Variants in SHROOM4 observed in about 807,000 individuals in gnomAD.
The protein encoded by SHROOM4 is protein Shroom4.
In SHROOM4, 17 loss-of-function variants were observed where a neutral mutation model predicts 80.3. The ratio of observed to expected loss-of-function variants is 0.21; its 90% CI spans 0.14 to 0.32. The LOEUF is 0.32. Among genes scored for constraint, SHROOM4 ranks in the 10% least tolerant of loss-of-function variants. SHROOM4 has a pLI of 1.00. For missense variants in SHROOM4, 993 were observed against 1,140.3 expected, an observed-to-expected ratio of 0.87 and a Z score of 1.86; for synonymous variants, 400 against 437.5, an observed-to-expected ratio of 0.91 and a Z score of 1.07.
intron 1 of SHROOM4, among the ~76,000 whole-genome samples, chrX:50,743,746 T>C (rs1322308563): frequency 8.9e-6 from 1 of 112,147 alleles, no homozygotes; most frequent in African/African-American, 3.2e-5. Context: ...CACGAGTTAC[T>C]GCCCCCAGAC....
intron 1 of SHROOM4, among the ~76,000 whole-genome samples, chrX:50,751,698 A>G (rs781922741): frequency 1.8e-5 from 2 of 112,055 alleles, no homozygotes; most frequent in Non-Finnish European, 3.8e-5. Context: ...TCCTGACTTC[A>G]TATTAGCAGT....
chrX:50,807,009 T>G (rs1214944510), intron 1 of SHROOM4, among the ~76,000 whole-genome samples: 2 of 112,392 alleles, frequency 1.8e-5, no homozygotes, highest in Non-Finnish European at 3.8e-5. Flanking sequence ...AATGATACAC[T>G]ATGGATTAAA....
intron 1 of SHROOM4, among the ~76,000 whole-genome samples, chrX:50,812,570 C>A (rs1168646489): frequency 7.2e-5 from 8 of 110,514 alleles, no homozygotes; most frequent in African/African-American, 2.6e-4. Context: ...ATTGGTACAC[C>A]CATGGCAACA....
intron 1 of SHROOM4, among the ~76,000 whole-genome samples, chrX:50,709,931 C>T (rs1449604488): frequency 8.9e-6 from 1 of 111,776 alleles, no homozygotes; most frequent in Admixed American, 9.5e-5. Flanking sequence ...GTGTTTTAAT[C>T]CCTCCAGGTG....
At chrX:50,611,824 G>A (rs1557249940) in intron 5 of SHROOM4, among the ~76,000 whole-genome samples, 1 of 111,038 alleles carries the variant, frequency 9.0e-6, no homozygotes, top group Non-Finnish European at 1.9e-5. Context: ...GGAGGCTGAG[G>A]CAGGGGAATT....
At chrX:50,650,078 C>G (rs374365702) in intron 2 of SHROOM4, among the ~76,000 whole-genome samples, 1 of 111,901 alleles carries the variant, frequency 8.9e-6, no homozygotes, top group African/African-American at 3.2e-5. Flanking sequence ...TTGAAGACTA[C>G]TTAATGATCC....
chrX:50,807,396 G>A (rs1602530970), intron 1 of SHROOM4, among the ~76,000 whole-genome samples: 1 of 111,900 alleles, frequency 8.9e-6, no homozygotes, highest in African/African-American at 3.2e-5. Flanking sequence ...ATATCTGACA[G>A]TGGATAGGGA....
chrX:50,673,598 G>A (rs1932821228), intron 2 of SHROOM4, among the ~76,000 whole-genome samples: 1 of 111,176 alleles, frequency 9.0e-6, no homozygotes, highest in Non-Finnish European at 1.9e-5. Flanking sequence ...TGAAAAGACA[G>A]AGACTGGCAG....
At position 50,797,598 on chromosome X, in the gene SHROOM4, TACTA is replaced by T. The variant is rs782292281; in HGVS notation, c.117+16300_117+16303del. Among the ~76,000 whole-genome samples the T allele has an allele frequency of 1.6e-4, 18 of 111,794 alleles. No homozygotes were observed. The South Asian group carries it at 5.7e-3, about 35-fold the overall frequency. On this transcript the variant is annotated intron_variant, in intron 1 of 8. Transcript: ENST00000376020. ...TGGGAAACTATTCTCCGCCTTTTCATACTAACTACCTTTTAAACCACATAACTAC... is the reference window on the plus strand; with the variant it reads ...TGGGAAACTATTCTCCGCCTTTTCATACTACCTTTTAAACCACATAACTAC...
At chrX:50,761,495 G>A (rs1238325507) in intron 1 of SHROOM4, among the ~76,000 whole-genome samples, 1 of 111,943 alleles carries the variant, frequency 8.9e-6, no homozygotes, top group Non-Finnish European at 1.9e-5. Flanking sequence ...TTGTGGTTTT[G>A]ATTTGCATTT....
At chrX:50,692,497 A>G (rs1349156414) in intron 2 of SHROOM4, among the ~76,000 whole-genome samples, 1 of 111,924 alleles carries the variant, frequency 8.9e-6, no homozygotes, top group African/African-American at 3.2e-5. Flanking sequence ...TACATAAATT[A>G]TCTTATTTAA....
intron 1 of SHROOM4, among the ~76,000 whole-genome samples, chrX:50,809,948 A>G (rs1022898994): frequency 9.0e-6 from 1 of 111,397 alleles, no homozygotes; most frequent in African/African-American, 3.3e-5. Flanking sequence ...TCGAAACACC[A>G]CAATATAGGG....
At chrX:50,607,042 C>A (rs982497864) in intron 6 of SHROOM4, among the ~76,000 whole-genome samples, 1 of 109,395 alleles carries the variant, frequency 9.1e-6, no homozygotes, top group African/African-American at 3.3e-5. Flanking sequence ...GTGTTCAATG[C>A]CTTTGGGATC....
At chrX:50,697,048 G>A (rs1933387435) in intron 1 of SHROOM4, among the ~76,000 whole-genome samples, 1 of 111,521 alleles carries the variant, frequency 9.0e-6, no homozygotes, top group South Asian at 3.8e-4. Flanking sequence ...CTTAAGTATT[G>A]AATCACATTT....
chrX:50,761,379 C>T (rs2147627025), intron 1 of SHROOM4, among the ~76,000 whole-genome samples: 1 of 111,953 alleles, frequency 8.9e-6, no homozygotes, highest in East Asian at 2.8e-4. Flanking sequence ...ATTCACACTC[C>T]CACCAACAGT....
At chrX:50,811,604 T>C (rs781908785) in intron 1 of SHROOM4, among the ~76,000 whole-genome samples, 4 of 111,274 alleles carry the variant, frequency 3.6e-5, no homozygotes, top group Non-Finnish European at 7.5e-5. Flanking sequence ...AAAATCAAGG[T>C]TGAAAAATGA....
rs781942320 is a variant in SHROOM4, at chrX:50,591,694, T to TTTCTTTTC, written c.*5000_*5001insGAAAAGAA. On this transcript the variant is annotated 3_prime_UTR_variant, in exon 9 of 9. Coordinates refer to ENST00000376020, the MANE Select transcript of SHROOM4 (RefSeq NM_020717.5). Reference sequence around the variant, plus strand: ...TTTTCTTTCTTTCTTTCTTTCTTTCTTTTCTTTCTTTCTTTCTTTCTTTCT... The same window carrying TTTCTTTTC: ...TTTTCTTTCTTTCTTTCTTTCTTTCTTTCTTTTCTTTCTTTCTTTCTTTCTTTCTTTCT... 1.3e-3 allele frequency: 316 copies of TTTCTTTTC among 248,952 alleles called. 1 individual carries two copies. Among genetic ancestry groups the TTTCTTTTC allele is most frequent in the African/African-American group, 8.6e-3 (247 of 28,726 alleles). The allele number at this position is 248,952 out of a possible 1,213,427, so 20.5% of individuals were successfully genotyped here.
chrX:50,690,793 C>T (rs782255129), intron 2 of SHROOM4, among the ~76,000 whole-genome samples: 1 of 111,666 alleles, frequency 9.0e-6, no homozygotes, highest in South Asian at 3.8e-4. Context: ...ATGGTGAAGC[C>T]CTGTCTCTAC....
chrX:50,703,590 G>C (rs781831885), intron 1 of SHROOM4, among the ~76,000 whole-genome samples: 1 of 111,491 alleles, frequency 9.0e-6, no homozygotes, highest in African/African-American at 3.3e-5. Flanking sequence ...TATGGGGGCA[G>C]TTTCCCCAAT....
Sources: allele counts gnomAD v4.1 joint callset (sites outside exome capture counted in the v4.1 genomes callset), GRCh38; gene constraint gnomAD v4.1.1; transcripts MANE v1.5; gene names NCBI Gene and HGNC (gene_info 2026-07-23, HGNC 2026-07-21).